Variants in SANBR observed in about 807,000 individuals in gnomAD.
The protein encoded by SANBR is SANT and BTB domain regulator of CSR, also known as SANT and BTB domain regulator of class switch recombination.
In SANBR, 77 loss-of-function variants were observed where a neutral mutation model predicts 101.8. That is an observed-to-expected ratio of 0.76 (90% CI 0.63 to 0.91). The LOEUF is 0.91. Ranked by LOEUF, SANBR falls within the 40% of genes least tolerant of loss-of-function variation. The pLI is 0.00. For missense variants in SANBR, 875 were observed against 853.0 expected, an observed-to-expected ratio of 1.03 and a Z score of -0.32; for synonymous variants, 279 against 274.7, an observed-to-expected ratio of 1.02 and a Z score of -0.15.
intron 3 of SANBR, among the ~76,000 whole-genome samples, 197 bp downstream of exon 3, chr2:61,070,697 A>ATATATAAATATATATTT (rs2104841672): frequency 6.9e-6 from 1 of 145,776 alleles, no homozygotes; most frequent in South Asian, 2.1e-4. Context: ...TATAAATTTT[A>ATATATAAATATATATTT]TATATTATAT....
At chr2:61,088,517 A>C in intron 10 of SANBR, 49 bp downstream of exon 10, 1 of 1,154,064 alleles carries the variant, frequency 8.7e-7, no homozygotes, top group Non-Finnish European at 1.2e-6. Flanking sequence ...ATATATATAT[A>C]TAGTTGTTGT....
At chr2:61,136,637 A>T (rs1036218134) in intron 21 of SANBR, among the ~76,000 whole-genome samples, 7 of 150,844 alleles carry the variant, frequency 4.6e-5, no homozygotes, top group Non-Finnish European at 8.9e-5. Context: ...TCAAAAAAAA[A>T]AAAAGATGAT....
At position 61,070,452 on chromosome 2, in the gene SANBR, C is replaced by A; in HGVS notation, c.102C>A (p.Ile34=). The A allele has an allele frequency of 6.2e-7, 1 of 1,602,264 alleles. No individual in the cohort carries two copies. The highest frequency in any genetic ancestry group is 8.5e-7 in the Non-Finnish European group (1 of 1,175,490). The change falls in exon 3 of 22, where the codon ATC becomes ATA. Residue 34 remains isoleucine (I), a synonymous_variant. Transcript: ENST00000402291. The part of the protein sequence containing the change: ...LYPLIGIPQT[I]NWETIARLVP... ...CATTAATTGGAATCCCTCAGACTAT[C>A]AACTGGGAAACTATAGCAAGGCTCG...
At chr2:61,084,215 A>C (rs138092930) in intron 8 of SANBR, among the ~76,000 whole-genome samples, 6 of 152,258 alleles carry the variant, frequency 3.9e-5, no homozygotes, top group Admixed American at 3.3e-4. Flanking sequence ...TGGCCTCCCA[A>C]AGTGCTGGGA....
chr2:61,074,987 G>A (rs1297913985), intron 5 of SANBR: 6 of 148,452 alleles, frequency 4.0e-5, no homozygotes, highest in African/African-American at 1.2e-4. Context: ...TTTTAGAGAC[G>A]TGGTCTCACT....
intron 7 of SANBR, among the ~76,000 whole-genome samples, 163 bp downstream of exon 7, chr2:61,081,673 G>A (rs546389551): frequency 6.6e-6 from 1 of 152,226 alleles, no homozygotes; most frequent in East Asian, 1.9e-4. Context: ...TCTTGAGACA[G>A]AGTCTCGCTC....
intron 21 of SANBR, chr2:61,137,438 C>A (rs1285873791): frequency 6.6e-6 from 1 of 152,282 alleles, no homozygotes; most frequent in East Asian, 1.9e-4. Flanking sequence ...ATCTGAAGAA[C>A]TACCACCCTT....
intron 14 of SANBR, among the ~76,000 whole-genome samples, chr2:61,108,098 GA>G (rs1683659492): frequency 6.6e-6 from 1 of 152,074 alleles, no homozygotes; most frequent in African/African-American, 2.4e-5. Context: ...ATAATACTGG[GA>G]AAGTGTCTTT....
chr2:61,068,344 A>G (rs533500300), intron 1 of SANBR, among the ~76,000 whole-genome samples: 10 of 152,228 alleles, frequency 6.6e-5, no homozygotes, highest in East Asian at 3.8e-4. Context: ...TATGTTTCCA[A>G]CTGGGCACAA....
At chr2:61,081,096 GCT>G (rs1682099567) in intron 6 of SANBR, among the ~76,000 whole-genome samples, 1 of 152,078 alleles carries the variant, frequency 6.6e-6, no homozygotes, top group Non-Finnish European at 1.5e-5. Flanking sequence ...AATAACAAAT[GCT>G]CTCATTAATC....
chr2:61,072,020 C>T (rs535581708), intron 4 of SANBR, among the ~76,000 whole-genome samples: 7 of 152,250 alleles, frequency 4.6e-5, no homozygotes, highest in Admixed American at 3.9e-4. Flanking sequence ...TCACTGCAAC[C>T]TCCATCTCCC....
chr2:61,078,272 A>G (rs1313110871), intron 6 of SANBR, among the ~76,000 whole-genome samples: 1 of 152,236 alleles, frequency 6.6e-6, no homozygotes, highest in Non-Finnish European at 1.5e-5. Context: ...CAGTTCAGAT[A>G]CATTGCAATT....
At chr2:61,094,699 G>A (rs1036491017) in intron 11 of SANBR, among the ~76,000 whole-genome samples, 68 of 140,288 alleles carry the variant, frequency 4.8e-4, no homozygotes, top group African/African-American at 1.4e-3. Context: ...CCTGGAGTGC[G>A]CTGGCGCCAT....
chr2:61,078,482 T>C (rs57618008), intron 6 of SANBR, among the ~76,000 whole-genome samples: 19,027 of 151,836 alleles, frequency 0.13, 2,531 homozygotes, highest in African/African-American at 0.34. Context: ...AGTGCAACGG[T>C]GCAATCTCAG....
intron 20 of SANBR, among the ~76,000 whole-genome samples, chr2:61,130,959 G>T: frequency 8.2e-5 from 3 of 36,776 alleles, no homozygotes; most frequent in Non-Finnish European, 1.2e-4. Context: ...AAAAAAAAAA[G>T]TCTCACAATC....
intron 6 of SANBR, among the ~76,000 whole-genome samples, chr2:61,079,281 A>G (rs1006096279): frequency 2.0e-5 from 3 of 152,166 alleles, no homozygotes; most frequent in African/African-American, 7.2e-5. Context: ...GTAGCATACT[A>G]CTAGTATTAC....
At chr2:61,109,322 A>G (rs1270445423) in intron 16 of SANBR, 26 bp downstream of exon 16, 2 of 1,314,950 alleles carry the variant, frequency 1.5e-6, no homozygotes, top group Non-Finnish European at 2.1e-6. Context: ...TTAAAATCAA[A>G]TCTCCCTGTT....
intron 16 of SANBR, among the ~76,000 whole-genome samples, 166 bp downstream of exon 16, chr2:61,109,462 C>T (rs1489680192): frequency 2.6e-5 from 4 of 151,862 alleles, no homozygotes; most frequent in Non-Finnish European, 5.9e-5. Context: ...CGGGCATGAA[C>T]ACAAAATACT....
At chr2:61,073,888 G>A (rs1410051299) in intron 5 of SANBR, among the ~76,000 whole-genome samples, 2 of 152,190 alleles carry the variant, frequency 1.3e-5, no homozygotes, top group Admixed American at 6.5e-5. Context: ...GAAATTGGAT[G>A]TGTATTTTAG....
Sources: gnomAD v4.1 joint callset for allele counts (sites outside exome capture counted in the v4.1 genomes callset) on GRCh38, gnomAD v4.1.1 for gene constraint, MANE v1.5 for transcripts, NCBI Gene and HGNC (gene_info 2026-07-23, HGNC 2026-07-21) for gene names.